The following MRC2 variants were observed in gnomAD, a reference collection of about 807,000 sequenced individuals.
The protein encoded by MRC2 is C-type mannose receptor 2.
In MRC2, 84 loss-of-function variants were observed where a neutral mutation model predicts 206.2. The ratio of observed to expected loss-of-function variants is 0.41; its 90% CI spans 0.34 to 0.49. The LOEUF (loss-of-function observed/expected upper bound fraction) is 0.49, where lower values mean the gene tolerates loss of function less well. Among genes scored for constraint, MRC2 ranks in the 20% least tolerant of loss-of-function variants. The probability of loss-of-function intolerance (pLI) is 0.31; values close to 1 mark genes in which losing one functional copy is unlikely to be tolerated. For missense variants in MRC2, 1,676 were observed against 2,001.5 expected (o/e 0.84, Z 3.10); for synonymous variants, 798 against 800.0 (o/e 1.00, Z 0.04).
chr17:62,674,275 C>G, intron 9 of MRC2, 105 bp downstream of exon 9: 1 of 757,784 alleles, frequency 1.3e-6, no homozygotes, highest in Non-Finnish European at 2.1e-6. Flanking sequence ...GCATCGCCCT[C>G]TCGTCGGCAC....
chr17:62,642,262 C>T (rs921611543), intron 1 of MRC2, among the ~76,000 whole-genome samples: 7 of 152,112 alleles, frequency 4.6e-5, no homozygotes, highest in African/African-American at 1.7e-4. Context: ...TTTTGTAAAA[C>T]GTCCCACAGT....
Position 62,690,636 on chromosome 17 carries a change from A to G in MRC2, c.3893-6A>G. The G allele has an allele frequency of 6.3e-7, 1 of 1,595,734 alleles. No individual in the cohort carries two copies. Among genetic ancestry groups the G allele is most frequent in the Non-Finnish European group, 8.5e-7 (1 of 1,171,354 alleles). On this transcript the variant is annotated splice_polypyrimidine_tract_variant and splice_region_variant and intron_variant, in intron 26 of 29. Coordinates refer to ENST00000303375, the MANE Select transcript of MRC2 (RefSeq NM_006039.5). ...CCGCCCTGACGTGGGCCTTCTTTGCATCCAGCGGGTGGGGCCGTCCTGTCT... is the reference window on the plus strand; with the variant it reads ...CCGCCCTGACGTGGGCCTTCTTTGCGTCCAGCGGGTGGGGCCGTCCTGTCT...
intron 1 of MRC2, among the ~76,000 whole-genome samples, chr17:62,658,441 G>A (rs960865502): frequency 1.3e-5 from 2 of 152,166 alleles, no homozygotes; most frequent in African/African-American, 4.8e-5. Context: ...AGGAAACTGA[G>A]GCCTGAAAGG....
In MRC2 at chr17:62,664,991, T is replaced by C; in HGVS notation, c.520+42T>C. 1 of 1,551,666 alleles carries C rather than the reference T, an allele frequency of 6.4e-7. No homozygotes were observed. Among genetic ancestry groups the C allele is most frequent in the Non-Finnish European group, 8.7e-7 (1 of 1,153,220 alleles). On this transcript the variant is annotated intron_variant, in intron 2 of 29. Coordinates refer to ENST00000303375, the MANE Select transcript of MRC2 (RefSeq NM_006039.5). The surrounding 1 kb of genome is among the most constrained non-coding windows in gnomAD (Gnocchi z 4.7). ...AGGCGGGAGGGTGGGGTCCCCGATGTCCAGGGGACTGGAGCCATGAGGGAC... is the reference window on the plus strand; with the variant it reads ...AGGCGGGAGGGTGGGGTCCCCGATGCCCAGGGGACTGGAGCCATGAGGGAC...
chr17:62,645,523 A>T (rs1195440180), intron 1 of MRC2, among the ~76,000 whole-genome samples: 826 of 39,914 alleles, frequency 0.021, 46 homozygotes, highest in Non-Finnish European at 0.027. Flanking sequence ...ATATATATAT[A>T]TATATTTTTT....
rs2089067671 is a variant in MRC2 at position 62,689,014 on chromosome 17, G to C, written c.3334+54G>C. The C allele has an allele frequency of 6.3e-6, 9 of 1,419,962 alleles. No individual in the cohort carries two copies. In the South Asian group the frequency reaches 9.5e-5, roughly 15 times the overall value. The allele number at this position is 1,419,962 out of a possible 1,614,324, so 88.0% of individuals were successfully genotyped here. On this transcript the variant is annotated intron_variant, in intron 23 of 29. Coordinates refer to ENST00000303375, the MANE Select transcript of MRC2 (RefSeq NM_006039.5). Reference sequence around the variant, plus strand: ...CCAGTGGGGCCCTGGCACCGGGCTGGATGCTGGGACCATGCCAGGAGGAAG... The same window carrying C: ...CCAGTGGGGCCCTGGCACCGGGCTGCATGCTGGGACCATGCCAGGAGGAAG...
At chr17:62,651,146 C>T (rs1003574156) in intron 1 of MRC2, among the ~76,000 whole-genome samples, 7 of 150,900 alleles carry the variant, frequency 4.6e-5, no homozygotes, top group South Asian at 2.1e-4. Flanking sequence ...TGCAGTAGTG[C>T]GATCTCGGCT....
intron 28 of MRC2, 67 bp downstream of exon 28, chr17:62,691,195 G>A (rs904338566): frequency 2.0e-5 from 30 of 1,501,820 alleles, no homozygotes; most frequent in Non-Finnish European, 2.7e-5. Flanking sequence ...GGCTGGGGCT[G>A]GGGGCTGCTT....
chr17:62,683,085 A>T (rs1467977530), intron 20 of MRC2, among the ~76,000 whole-genome samples: 1 of 133,820 alleles, frequency 7.5e-6, no homozygotes, highest in East Asian at 2.1e-4. Context: ...CTTCCATACT[A>T]ATATGACTAA....
intron 20 of MRC2, among the ~76,000 whole-genome samples, chr17:62,687,078 G>C (rs1027706151): frequency 2.0e-5 from 3 of 152,182 alleles, no homozygotes; most frequent in African/African-American, 7.2e-5. Context: ...GAGGCCATAA[G>C]GTTGTCAGAG....
rs756402582 is a variant in MRC2 at position 62,672,193 on chromosome 17, C to T, written c.1461+41C>T. On this transcript the variant is annotated intron_variant, in intron 8 of 29. Transcript: ENST00000303375. The surrounding 1 kb of genome is among the most constrained non-coding windows in gnomAD (Gnocchi z 4.5). ...CCCTATCACAGGGCCACAAAATACA[C>T]CCCCAACCTCCAGGTGCCACCCCAG... 3.1e-6 allele frequency: 5 copies of T among 1,610,156 alleles called. No individual in the cohort carries two copies. The South Asian group carries it at 4.4e-5, about 14-fold the overall frequency.
In MRC2 at chr17:62,680,080, A is replaced by G. The variant is rs1322326886; in HGVS notation, c.2299-90A>G. 3.2e-6 allele frequency: 5 copies of G among 1,575,230 alleles called. No individual in the cohort carries two copies. The highest frequency in any genetic ancestry group is 4.3e-6 in the Non-Finnish European group (5 of 1,155,314). On this transcript the variant is annotated intron_variant, in intron 14 of 29. Transcript: ENST00000303375. The surrounding 1 kb of genome is among the most constrained non-coding windows in gnomAD (Gnocchi z 4.8). Reference sequence around the variant, plus strand: ...GGCCCCCGGTGAGAATTCGCAGCTCAGGCCAGGCCTCTTGTTCACCTGTTC... The same window carrying G: ...GGCCCCCGGTGAGAATTCGCAGCTCGGGCCAGGCCTCTTGTTCACCTGTTC...
At chr17:62,647,107 C>A (rs1253066793) in intron 1 of MRC2, among the ~76,000 whole-genome samples, 1 of 151,664 alleles carries the variant, frequency 6.6e-6, no homozygotes, top group Non-Finnish European at 1.5e-5. Context: ...AACAAGAATG[C>A]AAAAGCGTCT....
rs550143683 is a variant in MRC2, at chr17:62,677,449, G to C, written c.2015G>C (p.Gly672Ala). 34 of 1,608,644 alleles carry C rather than the reference G, an allele frequency of 2.1e-5. No individual in the cohort carries two copies. Among genetic ancestry groups the C allele is most frequent in the Non-Finnish European group, 2.6e-5 (31 of 1,177,222 alleles). Residue 672 changes from glycine to alanine, a missense_variant, in exon 12 of 30, where the codon GGC becomes GCC. By Grantham distance (60) the Gly-to-Ala change is moderately conservative. This residue lies in a region of MRC2 where 1,354 missense variants were observed against 1,636.6 expected (regional missense o/e 0.83). Transcript: ENST00000303375. ...AGCCTCACTGGCTCCTGTCCCCAGG[G>C]CTGGGCCTCGGACACCAAACTCCGG... Reference protein sequence around the residue: ...TPSLTGSCPQGWASDTKLRYC... With the variant: ...TPSLTGSCPQAWASDTKLRYC...
intron 1 of MRC2, among the ~76,000 whole-genome samples, chr17:62,662,321 C>A (rs2465459): frequency 6.6e-6 from 1 of 151,744 alleles, no homozygotes; most frequent in African/African-American, 2.4e-5. Context: ...AGATCAGCAT[C>A]GGGGAAGAGA....
intron 1 of MRC2, among the ~76,000 whole-genome samples, chr17:62,653,096 G>T (rs937274642): frequency 5.9e-5 from 9 of 152,184 alleles, no homozygotes; most frequent in Non-Finnish European, 1.2e-4. Flanking sequence ...GCCAGTGGGA[G>T]GAAAGGGCCG....
intron 1 of MRC2, among the ~76,000 whole-genome samples, chr17:62,641,053 C>T (rs1230585830): frequency 6.6e-6 from 1 of 151,300 alleles, no homozygotes; most frequent in Non-Finnish European, 1.5e-5. Context: ...CTATGTTGCC[C>T]AGGCTGGTCT....
chr17:62,681,836 G>C lies in MRC2; in HGVS notation c.2703-1G>C, dbSNP rs773072954. The C allele has an allele frequency of 6.2e-7, 1 of 1,612,582 alleles. No individual in the cohort carries two copies. Among genetic ancestry groups the C allele is most frequent in the South Asian group, 1.1e-5 (1 of 90,678 alleles). Reference sequence around the variant, plus strand: ...GTTACCTCTGCTCCATGCCATTGCAGATGGACAGATGGTTCCATTATAAAC... The same window carrying C: ...GTTACCTCTGCTCCATGCCATTGCACATGGACAGATGGTTCCATTATAAAC... On this transcript the variant is annotated splice_acceptor_variant, in intron 18 of 29. Transcript: ENST00000303375. LOFTEE classifies it high-confidence loss of function.
intron 1 of MRC2, among the ~76,000 whole-genome samples, chr17:62,635,511 T>A (rs1258993210): frequency 6.6e-6 from 1 of 152,102 alleles, no homozygotes; most frequent in African/African-American, 2.4e-5. Flanking sequence ...GGCATACCTC[T>A]CCCCTTTTTG....
Sources: gnomAD v4.1 joint callset for allele counts (sites outside exome capture counted in the v4.1 genomes callset) on GRCh38, gnomAD v4.1.1 for gene constraint, gnomAD v4.1.1 regional missense constraint, Gnocchi (gnomAD v3.1) non-coding constraint, MANE v1.5 for transcripts, NCBI Gene and HGNC (gene_info 2026-07-23, HGNC 2026-07-21) for gene names.